The following MLXIPL variants were observed in gnomAD, a reference collection of about 807,000 sequenced individuals.
The protein encoded by MLXIPL is carbohydrate-responsive element-binding protein.
Under a neutral mutation model 81.5 loss-of-function variants are expected in MLXIPL, and 49 were observed. That is an observed-to-expected ratio of 0.60 (90% CI 0.48 to 0.76). MLXIPL has a LOEUF of 0.76. Among genes scored for constraint, MLXIPL ranks in the 30% least tolerant of loss-of-function variants. MLXIPL has a pLI of 0.00. For synonymous variants in MLXIPL, 466 were observed against 485.5 expected, an observed-to-expected ratio of 0.96 and a Z score of 0.53; for missense variants, 1,053 against 1,167.0, an observed-to-expected ratio of 0.90 and a Z score of 1.42.
chr7:73,621,758 TC>T (rs1796379363), intron 1 of MLXIPL, among the ~76,000 whole-genome samples: 1 of 63,902 alleles, frequency 1.6e-5, no homozygotes, highest in African/African-American at 6.3e-5. Flanking sequence ...CCTCCCTCCC[TC>T]CCTTCCTCCC....
At chr7:73,604,375 C>A (rs1262022419) in intron 7 of MLXIPL, among the ~76,000 whole-genome samples, 1 of 151,208 alleles carries the variant, frequency 6.6e-6, no homozygotes, top group Admixed American at 6.6e-5. Flanking sequence ...AGTTCTAGAC[C>A]AGCCTGGGCA....
chr7:73,615,001 C>T (rs529784575), intron 2 of MLXIPL, among the ~76,000 whole-genome samples: 17 of 151,960 alleles, frequency 1.1e-4, no homozygotes, highest in South Asian at 2.1e-4. Context: ...TAGTAGACAC[C>T]GGGTTTCACT....
chr7:73,600,014 C>T (rs979446194), intron 7 of MLXIPL, among the ~76,000 whole-genome samples: 2 of 152,018 alleles, frequency 1.3e-5, no homozygotes, highest in Non-Finnish European at 2.9e-5. Context: ...CTCCCCACCC[C>T]CTGGTGGCTC....
chr7:73,597,395 T>C lies in MLXIPL; in HGVS notation c.1390A>G (p.Ser464Gly). 1 of 130,944 alleles carries C rather than the reference T, an allele frequency of 7.6e-6. No individual in the cohort carries two copies. Among genetic ancestry groups the C allele is most frequent in the Non-Finnish European group, 1.1e-5 (1 of 94,564 alleles). 8.1% of individuals were successfully genotyped at this position (130,944 alleles called of 1,614,324 possible). A position where few individuals can be genotyped will look rare whatever the true frequency, so the allele number is the denominator to read the frequency against. ...AFPPTPQSVP[S>G]PAPTPFPIEL... Reference sequence around the variant, plus strand: ...ATGGGGAAGGGGGTGGGGGCTGGGCTGGGGACAGACTGTGGGGTGGGTGGG... The same window carrying C: ...ATGGGGAAGGGGGTGGGGGCTGGGCCGGGGACAGACTGTGGGGTGGGTGGG... The change falls in exon 9 of 17, where the codon AGC becomes GGC. Residue 464 changes from serine to glycine, a missense_variant. Physicochemically the swap from Ser to Gly is moderately conservative, Grantham distance 56 (BLOSUM62 0). This residue lies in a region of MLXIPL where 823 missense variants were observed against 933.0 expected (regional missense o/e 0.88). Transcript: ENST00000313375.
chr7:73,620,428 AC>A (rs1796271530), intron 1 of MLXIPL, among the ~76,000 whole-genome samples: 1 of 151,402 alleles, frequency 6.6e-6, no homozygotes, highest in African/African-American at 2.4e-5. Flanking sequence ...AACAACAACA[AC>A]AACAACAAAA....
chr7:73,597,582 A>AG lies in MLXIPL; in HGVS notation c.1202dup (p.Ala402CysfsTer100). ...AGGGCTCCAGGCCTGGCACCTTGGC[A>AG]GGGGGAGGGTAATGCAGCAGAGGTG... On this transcript the variant is annotated frameshift_variant, in exon 9 of 17. Coordinates refer to ENST00000313375, the MANE Select transcript of MLXIPL (RefSeq NM_032951.3). LOFTEE classifies it high-confidence loss of function. 1.2e-6 allele frequency: 1 copy of AG among 819,236 alleles called. No homozygotes were observed. Among genetic ancestry groups the AG allele is most frequent in the Non-Finnish European group, 1.4e-6 (1 of 714,474 alleles). 50.7% of individuals were successfully genotyped at this position (819,236 alleles called of 1,614,324 possible).
chr7:73,606,901 C>G (rs1476692598), intron 5 of MLXIPL, 73 bp downstream of exon 5: 16 of 1,531,542 alleles, frequency 1.0e-5, no homozygotes, highest in Admixed American at 1.8e-5. Flanking sequence ...GAGGCGGAAA[C>G]TGTCAACTCT....
rs782012438 is a variant in MLXIPL, at chr7:73,597,503, C to T, written c.1282G>A (p.Glu428Lys). 2.9e-6 allele frequency: 4 copies of T among 1,398,014 alleles called. No homozygotes were observed. The highest frequency in any genetic ancestry group is 3.7e-6 in the Non-Finnish European group (4 of 1,073,166). The allele number at this position is 1,398,014 out of a possible 1,614,324, so 86.6% of individuals were successfully genotyped here. A position where few individuals can be genotyped will look rare whatever the true frequency, so the allele number is the denominator to read the frequency against. The change falls in exon 9 of 17, where the codon GAG becomes AAG. Residue 428 changes from glutamate to lysine, a missense_variant. Physicochemically the swap from Glu to Lys is moderately conservative, Grantham distance 56. Around this residue, in one of 3 missense-constraint regions of MLXIPL, gnomAD observed 823 missense variants for 933.0 expected, o/e 0.88. Coordinates refer to ENST00000313375, the MANE Select transcript of MLXIPL (RefSeq NM_032951.3). ...GGAAACCTGGGAGAGAAGAGAGGCTCTTCCTGCAGCAAAGCAGTGGGTGGT... is the reference window on the plus strand; with the variant it reads ...GGAAACCTGGGAGAGAAGAGAGGCTTTTCCTGCAGCAAAGCAGTGGGTGGT... ...MAPPTALLQEEPLFSPRFPFP... is the reference protein window; with the variant it reads ...MAPPTALLQEKPLFSPRFPFP...
Position 73,596,286 on chromosome 7 carries a change from G to C in MLXIPL, c.1939-14C>G. On this transcript the variant is annotated splice_polypyrimidine_tract_variant and intron_variant, in intron 12 of 16. Transcript: ENST00000313375. This position sits in a 1 kb window ranked among gnomAD's most constrained non-coding sequence, Gnocchi z 4.7. ...CCGGTTCTCGGTCTCGGGGAGCAGAGAGTTGGGTGAGCCTAGGAAGGAGCC... is the reference window on the plus strand; with the variant it reads ...CCGGTTCTCGGTCTCGGGGAGCAGACAGTTGGGTGAGCCTAGGAAGGAGCC... The C allele has an allele frequency of 2.5e-6, 4 of 1,613,220 alleles. No homozygotes were observed. Among genetic ancestry groups the C allele is most frequent in the Non-Finnish European group, 2.5e-6 (3 of 1,179,876 alleles).
chr7:73,605,286 T>C (rs977787557), intron 7 of MLXIPL, among the ~76,000 whole-genome samples: 1 of 150,666 alleles, frequency 6.6e-6, no homozygotes, highest in Non-Finnish European at 1.5e-5. Flanking sequence ...CTGCCAGGCA[T>C]GGTGGCTCAT....
At chr7:73,634,426 C>T in the MLXIPL span, among the ~76,000 whole-genome samples, 1 of 152,074 alleles carries the variant, frequency 6.6e-6, no homozygotes. Flanking sequence ...GAGTCTTACT[C>T]TGTTGCTCAG....
At chr7:73,628,221 ACAT>A (rs1796782947), upstream of MLXIPL, among the ~76,000 whole-genome samples, 1 of 151,820 alleles carries the variant, frequency 6.6e-6, no homozygotes, top group Non-Finnish European at 1.5e-5. Flanking sequence ...TGCTCTGAAA[ACAT>A]CAGAGTTGTC....
chr7:73,597,210 G>A lies in MLXIPL; in HGVS notation c.1575C>T (p.Asn525=), dbSNP rs782737814. The change falls in exon 9 of 17, where the codon AAC becomes AAT. Residue 525 remains asparagine, a synonymous_variant. Coordinates refer to ENST00000313375, the MANE Select transcript of MLXIPL (RefSeq NM_032951.3). ...CTGTGAGCAGCTGTGTGAGGCAGGG[G>A]TTGTTGCTCCCCGCAGTGGTGGGGG... ...ASPPTTAGSN[N]PCLTQLLTAA... The A allele has an allele frequency of 5.6e-6, 9 of 1,605,740 alleles. No individual in the cohort carries two copies. Among genetic ancestry groups the A allele is most frequent in the African/African-American group, 1.3e-5 (1 of 74,910 alleles).
At chr7:73,617,323 G>A (rs1796064757) in intron 1 of MLXIPL, among the ~76,000 whole-genome samples, 1 of 151,980 alleles carries the variant, frequency 6.6e-6, no homozygotes, top group Non-Finnish European at 1.5e-5. Flanking sequence ...CCAGCCGAGG[G>A]TGCCTCTTTA....
intron 8 of MLXIPL, among the ~76,000 whole-genome samples, chr7:73,598,533 C>T (rs575893710): frequency 2.6e-5 from 4 of 152,266 alleles, no homozygotes; most frequent in South Asian, 2.1e-4. Context: ...GTGCCTCCAC[C>T]GCAGTCTAAG....
At chr7:73,647,113 C>T in the MLXIPL span, among the ~76,000 whole-genome samples, 12 of 152,260 alleles carry the variant, frequency 7.9e-5, no homozygotes, top group East Asian at 2.3e-3. Flanking sequence ...GACAAGAACC[C>T]AAAGCTCCCA....
At chr7:73,607,145 A>T in intron 4 of MLXIPL, 127 bp from the exon 5 acceptor site, 1 of 1,345,570 alleles carries the variant, frequency 7.4e-7, no homozygotes. Context: ...CCCGACCCCT[A>T]GGTAAGGAGG....
upstream of MLXIPL, among the ~76,000 whole-genome samples, chr7:73,625,736 C>G (rs1406972574): frequency 6.6e-6 from 1 of 152,112 alleles, no homozygotes; most frequent in Non-Finnish European, 1.5e-5. Context: ...GCACTCCACC[C>G]TGGGCAACAG....
At chr7:73,624,629 G>A, upstream of MLXIPL, 1 of 1,374,748 alleles carries the variant, frequency 7.3e-7, no homozygotes, top group South Asian at 1.7e-5. Context: ...GACGGGGCGG[G>A]GCTTGTATTA....
Sources: allele counts gnomAD v4.1 joint callset (sites outside exome capture counted in the v4.1 genomes callset), GRCh38; gene constraint gnomAD v4.1.1; regional missense constraint gnomAD v4.1.1; non-coding constraint Gnocchi (gnomAD v3.1); transcripts MANE v1.5; gene names NCBI Gene and HGNC (gene_info 2026-07-23, HGNC 2026-07-21).